The following LAMA3 variants were observed in gnomAD, a reference collection of about 807,000 sequenced individuals.
LAMA3 encodes laminin subunit alpha-3.
A neutral mutation model predicts 402.0 loss-of-function variants in LAMA3; 281 were observed. That is an observed-to-expected ratio of 0.70 (90% CI 0.63 to 0.77). The LOEUF is 0.77. LAMA3 is among the 30% of genes least tolerant of loss of function. The probability of loss-of-function intolerance (pLI) is 0.00; values close to 1 mark genes in which losing one functional copy is unlikely to be tolerated. For synonymous variants in LAMA3, 1,431 were observed against 1,558.4 expected (o/e 0.92, Z 1.93); for missense variants, 3,840 against 4,215.5 (o/e 0.91, Z 2.47).
At chr18:23,884,047 GGTGTGTGTGTGTGTGTGTGTGTGTGTGT>G (rs60711151) in intron 40 of LAMA3, among the ~76,000 whole-genome samples, 67 of 138,892 alleles carry the variant, frequency 4.8e-4, no homozygotes, top group Middle Eastern at 3.5e-3. Flanking sequence ...TGGTCTCTTT[GGTGTGTGTGTGTGTGTGTGTGTGTGTGT>G]GTGTGTGTGT....
At chr18:23,842,788 C>T (rs371641968) in intron 29 of LAMA3, 38 bp downstream of exon 29, 79 of 1,613,300 alleles carry the variant, frequency 4.9e-5, no homozygotes, top group Non-Finnish European at 6.0e-5. Context: ...TCCTCACATG[C>T]CTGCCTGGCT....
At chr18:23,786,125 A>G (rs959551774) in intron 12 of LAMA3, among the ~76,000 whole-genome samples, 3 of 152,234 alleles carry the variant, frequency 2.0e-5, no homozygotes, top group Non-Finnish European at 2.9e-5. Flanking sequence ...GCATATAGCA[A>G]ATGAAGAAAC....
At chr18:23,926,647 A>G (rs1235423942) in intron 62 of LAMA3, among the ~76,000 whole-genome samples, 1 of 152,242 alleles carries the variant, frequency 6.6e-6, no homozygotes, top group Non-Finnish European at 1.5e-5. Flanking sequence ...AGGGATTTAG[A>G]ATGAAATCAG....
Position 23,827,358 on chromosome 18 carries a change from C to T in LAMA3, c.2714C>T (p.Thr905Ile), listed in dbSNP as rs1439820421. ...QHLPVTRFPC[T>I]LACEARHFLL... Reference sequence around the variant, plus strand: ...TTGCCAGTGACCAGATTCCCCTGTACCCTGGCTTGTGAGGCCAGACACTTC... The same window carrying T: ...TTGCCAGTGACCAGATTCCCCTGTATCCTGGCTTGTGAGGCCAGACACTTC... Residue 905 changes from threonine to isoleucine, a missense_variant, in exon 23 of 75, where the codon ACC becomes ATC. By Grantham distance (89) the Thr-to-Ile change is moderately conservative. Coordinates refer to ENST00000313654, the MANE Select transcript of LAMA3 (RefSeq NM_198129.4). 8.1e-6 allele frequency: 13 copies of T among 1,614,222 alleles called. No homozygotes were observed. Among genetic ancestry groups the T allele is most frequent in the Non-Finnish European group, 1.1e-5 (13 of 1,180,040 alleles).
chr18:23,858,839 G>A lies in LAMA3; in HGVS notation c.4422+10G>A. ...TAAGCGAAGGACTAAGGTATGCATT[G>A]ACAGAAAGTGCTGGGGAACATTTTG... On this transcript the variant is annotated intron_variant, in intron 34 of 74. Transcript: ENST00000313654. 1 of 1,613,714 alleles carries A rather than the reference G, an allele frequency of 6.2e-7. No homozygotes were observed. The highest frequency in any genetic ancestry group is 2.2e-5 in the East Asian group (1 of 44,880).
chr18:23,865,106 C>G (rs199723188), intron 36 of LAMA3, among the ~76,000 whole-genome samples: 2 of 152,180 alleles, frequency 1.3e-5, no homozygotes, highest in Admixed American at 6.5e-5. Flanking sequence ...AGTACTTAAC[C>G]GTATTTTGCT....
At chr18:23,777,853 T>C (rs2062356716) in intron 11 of LAMA3, among the ~76,000 whole-genome samples, 1 of 152,194 alleles carries the variant, frequency 6.6e-6, no homozygotes, top group Non-Finnish European at 1.5e-5. Flanking sequence ...GTATTAGATA[T>C]CACCAGCTTG....
intron 11 of LAMA3, among the ~76,000 whole-genome samples, chr18:23,777,822 G>A (rs115561291): frequency 8.5e-5 from 13 of 152,164 alleles, no homozygotes; most frequent in Admixed American, 2.6e-4. Flanking sequence ...ACTACCTGAC[G>A]TAGGAAACTG....
In LAMA3 at chr18:23,845,090, A is replaced by G. The variant is rs940346932; in HGVS notation, c.3685A>G (p.Ile1229Val). The change falls in exon 30 of 75, where the codon ATC becomes GTC. Residue 1229 changes from isoleucine (I) to valine (V), a missense_variant. Physicochemically the swap from Ile to Val is conservative, Grantham distance 29. Coordinates refer to ENST00000313654, the MANE Select transcript of LAMA3 (RefSeq NM_198129.4). Reference protein sequence around the residue: ...KKSMDKSLEFITNCGKNSFYL... With the variant: ...KKSMDKSLEFVTNCGKNSFYL... ...ATCCATGGACAAGTCACTCGAGTTTATCACCAATTGTGGAAAAAACAGCTT... is the reference window on the plus strand; with the variant it reads ...ATCCATGGACAAGTCACTCGAGTTTGTCACCAATTGTGGAAAAAACAGCTT... 3 of 1,612,318 alleles carry G rather than the reference A, an allele frequency of 1.9e-6. No individual in the cohort carries two copies. Among genetic ancestry groups the G allele is most frequent in the South Asian group, 2.2e-5 (2 of 91,048 alleles).
In LAMA3 at chr18:23,844,813, CA is replaced by C. The variant is rs997718954; in HGVS notation, c.3604-193del. ...TTGAGCATCCCTAATTCAAAAATCC[CA>C]AATCCAAAATGCTCCAGTGAGCATT... On this transcript the variant is annotated intron_variant, in intron 29 of 74. Coordinates refer to ENST00000313654, the MANE Select transcript of LAMA3 (RefSeq NM_198129.4). Among the ~76,000 whole-genome samples the C allele has an allele frequency of 7.2e-5, 11 of 152,090 alleles. 1 individual carries two copies. The highest frequency in any genetic ancestry group is 1.5e-5 in the Non-Finnish European group (1 of 68,008).
chr18:23,832,119 A>T (rs1180848337), intron 23 of LAMA3, among the ~76,000 whole-genome samples: 1 of 152,206 alleles, frequency 6.6e-6, no homozygotes, highest in African/African-American at 2.4e-5. Context: ...AGAGTAGTAG[A>T]AATTTATAAT....
In LAMA3 at chr18:23,930,567, G is replaced by A. The variant is rs1412838109; in HGVS notation, c.8437-495G>A. ...GTCTGAGACCAGCCTAGGGAACATA[G>A]TGAGATCCTGTCTCTACAAAAAATT... is the stretch of plus-strand genomic sequence containing the variant. On this transcript the variant is annotated intron_variant, in intron 64 of 74. Transcript: ENST00000313654. 2.6e-5 allele frequency among the ~76,000 whole-genome samples: 4 copies of A among 152,262 alleles called. No homozygotes were observed. The East Asian group carries it at 7.7e-4, about 29-fold the overall frequency.
At chr18:23,904,983 G>A (rs2081195823) in intron 51 of LAMA3, among the ~76,000 whole-genome samples, 1 of 151,968 alleles carries the variant, frequency 6.6e-6, no homozygotes, top group South Asian at 2.1e-4. Flanking sequence ...CTTCTATGCT[G>A]TGATCATTAG....
chr18:23,710,453 A>C (rs2060970902), intron 1 of LAMA3, among the ~76,000 whole-genome samples: 1 of 152,224 alleles, frequency 6.6e-6, no homozygotes, highest in Non-Finnish European at 1.5e-5. Context: ...CTTCAACCGC[A>C]AGTCTACTTA....
At chr18:23,854,410 G>A (rs974943359) in intron 32 of LAMA3, among the ~76,000 whole-genome samples, 1 of 152,112 alleles carries the variant, frequency 6.6e-6, no homozygotes, top group Non-Finnish European at 1.5e-5. Context: ...GGGAGGCCAA[G>A]TTGGGTGGAT....
chr18:23,908,588 GT>G (rs932060983), intron 54 of LAMA3, among the ~76,000 whole-genome samples: 37 of 145,676 alleles, frequency 2.5e-4, no homozygotes, highest in South Asian at 4.3e-4. Flanking sequence ...GAAAACAAAG[GT>G]TTTTTTTTTT....
intron 18 of LAMA3, 127 bp from the exon 19 acceptor site, chr18:23,819,714 T>C (rs1454437755): frequency 2.4e-6 from 2 of 833,130 alleles, no homozygotes; most frequent in Non-Finnish European, 4.1e-6. Context: ...TCTTTCTCAT[T>C]TGTCCTTTAT....
chr18:23,716,161 C>A (rs4387667), intron 2 of LAMA3, among the ~76,000 whole-genome samples: 70,928 of 151,708 alleles, frequency 0.47, 18,900 homozygotes, highest in Non-Finnish European at 0.61. Flanking sequence ...CCTACCATAT[C>A]GATTTTTTTT....
At position 23,915,396 on chromosome 18, in the gene LAMA3, C is replaced by T. The variant is rs771051961; in HGVS notation, c.7752C>T (p.Asn2584=). The T allele has an allele frequency of 6.2e-7, 1 of 1,613,792 alleles. No individual in the cohort carries two copies. Among genetic ancestry groups the T allele is most frequent in the Non-Finnish European group, 8.5e-7 (1 of 1,179,798 alleles). ...LYNFKKTFNL[N]TTEVEPCRRR... Reference sequence around the variant, plus strand: ...ACTTCAAAAAAACATTCAATCTCAACACAACTGAAGTGGAGCCTTGTAGAA... The same window carrying T: ...ACTTCAAAAAAACATTCAATCTCAATACAACTGAAGTGGAGCCTTGTAGAA... Residue 2584 remains asparagine (N), a synonymous_variant, in exon 59 of 75, where the codon AAC becomes AAT. Transcript: ENST00000313654.
Sources: gnomAD v4.1 joint callset for allele counts (sites outside exome capture counted in the v4.1 genomes callset) on GRCh38, gnomAD v4.1.1 for gene constraint, MANE v1.5 for transcripts, NCBI Gene and HGNC (gene_info 2026-07-23, HGNC 2026-07-21) for gene names.